FGF13: variants seen among roughly 807,000 people sequenced by gnomAD.
FGF13 encodes the protein fibroblast growth factor homologous factor 2.
A neutral mutation model predicts 19.5 loss-of-function variants in FGF13; 2 were observed. The observed-to-expected ratio is 0.10, with a 90% confidence interval of 0.04 to 0.32. The LOEUF (loss-of-function observed/expected upper bound fraction) is 0.32, where lower values mean the gene tolerates loss of function less well. Ranked by LOEUF, FGF13 falls within the 10% of genes least tolerant of loss-of-function variation. The pLI is 1.00. For synonymous variants in FGF13, 72 were observed against 76.9 expected (o/e 0.94, Z 0.33); for missense variants, 113 against 192.7 (o/e 0.59, Z 2.45).
chrX:138,825,143 T>C (rs2091025537), intron 3 of FGF13, among the ~76,000 whole-genome samples: 1 of 111,745 alleles, frequency 8.9e-6, no homozygotes, highest in Admixed American at 9.5e-5. Context: ...CCATACAGGT[T>C]GTGACAGTTT....
chrX:138,756,514 T>C (rs1439528487), intron 3 of FGF13, among the ~76,000 whole-genome samples: 1 of 112,770 alleles, frequency 8.9e-6, no homozygotes, highest in Non-Finnish European at 1.9e-5. Flanking sequence ...TTCTGCTTTT[T>C]TCCATAGCAA....
Position 138,632,923 on chromosome X carries a change from G to T in FGF13, c.665C>A (p.Thr222Asn). The T allele has an allele frequency of 1.7e-6, 2 of 1,210,458 alleles. No individual in the cohort carries two copies. The highest frequency in any genetic ancestry group is 2.2e-6 in the Non-Finnish European group (2 of 894,878). Reference sequence around the variant, plus strand: ...AGAGACACTTCTGCTCTTGGTTGGGGTCCCGCTTCCAGATCGGGAGAACTC... The same window carrying T: ...AGAGACACTTCTGCTCTTGGTTGGGTTCCCGCTTCCAGATCGGGAGAACTC... ...LTEFSRSGSG[T>N]PTKSRSVSGV... The change falls in exon 5 of 5, where the codon ACC (threonine) becomes AAC (asparagine). Residue 222 changes from threonine (T) to asparagine (N), a missense_variant. Thr to Asn is a moderately conservative substitution (Grantham distance 65). Around this residue, in one of 4 missense-constraint regions of FGF13, gnomAD observed 43 missense variants for 41.4 expected, o/e 1.04. Transcript: ENST00000315930.
At chrX:138,795,812 T>C (rs766078684) in intron 3 of FGF13, among the ~76,000 whole-genome samples, 9 of 111,664 alleles carry the variant, frequency 8.1e-5, no homozygotes, top group Non-Finnish European at 1.5e-4. Flanking sequence ...GATGCCTGGC[T>C]TACAGTAAAG....
intron 1 of FGF13, among the ~76,000 whole-genome samples, chrX:139,072,276 T>C (rs868395577): frequency 6.1e-5 from 6 of 99,086 alleles, no homozygotes; most frequent in Non-Finnish European, 1.2e-4. Context: ...TCTCTCTCTC[T>C]ACACACACAC....
intron 1 of FGF13, among the ~76,000 whole-genome samples, chrX:139,036,064 G>A (rs757513242): frequency 1.4e-4 from 16 of 112,024 alleles, no homozygotes; most frequent in Non-Finnish European, 2.4e-4. Context: ...AAAGTCACTA[G>A]TGATCTATGG....
chrX:138,959,951 C>G lies in FGF13; in HGVS notation c.-112-95301G>C, dbSNP rs2091861156. 3.6e-5 allele frequency among the ~76,000 whole-genome samples: 4 copies of G among 111,992 alleles called. No individual in the cohort carries two copies. The South Asian group carries it at 1.5e-3, about 42-fold the overall frequency. On this transcript the variant is annotated intron_variant, in intron 1 of 2. Coordinates refer to the FGF13 transcript ENST00000421460. Reference sequence around the variant, plus strand: ...AAATGGGTCTCCTGAATACAGCACACTGATGAGTCTTGATTCTTTATCCAA... The same window carrying G: ...AAATGGGTCTCCTGAATACAGCACAGTGATGAGTCTTGATTCTTTATCCAA...
intron 3 of FGF13, among the ~76,000 whole-genome samples, chrX:138,786,474 C>G (rs1310008670): frequency 8.9e-6 from 1 of 112,002 alleles, no homozygotes; most frequent in Non-Finnish European, 1.9e-5. Context: ...ACCTCCAGAG[C>G]CTTCCTTGGG....
At chrX:138,966,830 AG>A (rs1291535478) in intron 1 of FGF13, among the ~76,000 whole-genome samples, 1 of 111,353 alleles carries the variant, frequency 9.0e-6, no homozygotes, top group Non-Finnish European at 1.9e-5. Flanking sequence ...TCTTCTGTCA[AG>A]GGAGGGACAA....
chrX:138,831,388 T>C (rs148772484), intron 3 of FGF13, among the ~76,000 whole-genome samples: 187 of 110,808 alleles, frequency 1.7e-3, no homozygotes, highest in African/African-American at 5.7e-3. Context: ...AGACTCCAAA[T>C]TGTGAGAGCT....
intron 1 of FGF13, among the ~76,000 whole-genome samples, chrX:139,075,049 C>T (rs2043455323): frequency 1.8e-5 from 2 of 112,080 alleles, no homozygotes; most frequent in Admixed American, 1.9e-4. Context: ...CTCATAGCAC[C>T]TACCATGTTT....
At chrX:139,003,214 G>A (rs1251797779) in intron 1 of FGF13, among the ~76,000 whole-genome samples, 3 of 110,613 alleles carry the variant, frequency 2.7e-5, no homozygotes, top group African/African-American at 9.9e-5. Context: ...GCTGGCTCAG[G>A]AGTGAAGCTG....
chrX:139,089,733 T>A (rs2083427821), intron 1 of FGF13, among the ~76,000 whole-genome samples: 1 of 112,362 alleles, frequency 8.9e-6, no homozygotes, highest in South Asian at 3.7e-4. Context: ...CCTAGGCCTG[T>A]TAAGGATTTA....
downstream of FGF13, among the ~76,000 whole-genome samples, chrX:138,855,325 T>A (rs1213974866): frequency 8.9e-6 from 1 of 112,101 alleles, no homozygotes; most frequent in African/African-American, 3.2e-5. Context: ...TGTGTAGAGA[T>A]CAAGTGTTTT....
chrX:138,677,338 A>C (rs1471186185), intron 3 of FGF13, among the ~76,000 whole-genome samples: 2 of 110,081 alleles, frequency 1.8e-5, no homozygotes, highest in South Asian at 3.9e-4. Context: ...GGATCTAATT[A>C]AACTAAAGAG....
At chrX:139,122,041 C>T (rs1425326793) in intron 1 of FGF13, among the ~76,000 whole-genome samples, 1 of 111,129 alleles carries the variant, frequency 9.0e-6, no homozygotes. Flanking sequence ...GTGACACAGA[C>T]CATGAGATTC....
At chrX:139,033,494 G>C (rs1351471957) in intron 1 of FGF13, among the ~76,000 whole-genome samples, 2 of 111,701 alleles carry the variant, frequency 1.8e-5, no homozygotes, top group African/African-American at 6.5e-5. Context: ...GGAAATCAAA[G>C]CTCAGAGTGA....
intron 1 of FGF13, among the ~76,000 whole-genome samples, chrX:139,003,783 C>A (rs1405995382): frequency 1.8e-5 from 2 of 109,709 alleles, no homozygotes; most frequent in Non-Finnish European, 3.8e-5. Context: ...ATTTACAATC[C>A]CTGAGCTAGA....
chrX:138,765,213 G>A lies in FGF13; in HGVS notation c.218-56285C>T, dbSNP rs144154352. 2.6e-4 allele frequency among the ~76,000 whole-genome samples: 29 copies of A among 112,131 alleles called. No homozygotes were observed. The East Asian group carries it at 6.5e-3, about 25-fold the overall frequency. ...TGAGAGAAGTAATTATTAATAAAGT[G>A]TTTTGTAATGCAAAAATGCTTTGCA... On this transcript the variant is annotated intron_variant, in intron 3 of 6. Coordinates refer to the FGF13 transcript ENST00000436198.
At position 139,004,144 on chromosome X, in the gene FGF13, C is replaced by T. The variant is rs761517374; in HGVS notation, c.-112-139494G>A. Among the ~76,000 whole-genome samples the T allele has an allele frequency of 1.2e-4, 13 of 112,871 alleles. No individual in the cohort carries two copies. In the East Asian group the frequency reaches 2.0e-3, roughly 17 times the overall value. On this transcript the variant is annotated intron_variant, in intron 1 of 2. Transcript: ENST00000421460. ...GAGTGGGTGGGAGACTCAGGCATGGCGGGCTGCAGGTCCCGAGCCCTGCCC... is the reference window on the plus strand; with the variant it reads ...GAGTGGGTGGGAGACTCAGGCATGGTGGGCTGCAGGTCCCGAGCCCTGCCC...
Sources: gnomAD v4.1 joint callset for allele counts (sites outside exome capture counted in the v4.1 genomes callset) on GRCh38, gnomAD v4.1.1 for gene constraint, gnomAD v4.1.1 regional missense constraint, MANE v1.5 for transcripts, NCBI Gene and HGNC (gene_info 2026-07-23, HGNC 2026-07-21) for gene names.